Variants in CBLL1 observed in about 807,000 individuals in gnomAD.
CBLL1 encodes Cbl proto-oncogene like 1, also known as E3 ubiquitin-protein ligase Hakai.
CBLL1 carries 4 observed loss-of-function variants against 44.9 expected under a neutral mutation model. The ratio of observed to expected loss-of-function variants is 0.09; its 90% CI spans 0.04 to 0.20. CBLL1 has a LOEUF of 0.20. Among genes scored for constraint, CBLL1 ranks in the 10% least tolerant of loss-of-function variants. The pLI is 1.00. For missense variants in CBLL1, 569 were observed against 636.7 expected (o/e 0.89, Z 1.14); for synonymous variants, 235 against 202.2 (o/e 1.16, Z -1.38).
chr7:107,745,588 A>G lies in CBLL1; in HGVS notation c.13+1412A>G, dbSNP rs151334836. 1.6e-3 allele frequency among the ~76,000 whole-genome samples: 243 copies of G among 152,372 alleles called. 1 individual carries two copies. Among genetic ancestry groups the G allele is most frequent in the Non-Finnish European group, 3.2e-3 (220 of 68,036 alleles). Reference sequence around the variant, plus strand: ...GAGGAGGAACACAGTCTCTTAAAAAATACAATAGGCTGTTCTATGAAGAAT... The same window carrying G: ...GAGGAGGAACACAGTCTCTTAAAAAGTACAATAGGCTGTTCTATGAAGAAT... On this transcript the variant is annotated intron_variant, in intron 1 of 5. Coordinates refer to ENST00000440859, the MANE Select transcript of CBLL1 (RefSeq NM_024814.4).
intron 1 of CBLL1, among the ~76,000 whole-genome samples, chr7:107,745,495 G>A (rs1430864670): frequency 1.3e-5 from 2 of 152,214 alleles, no homozygotes; most frequent in East Asian, 3.8e-4. Flanking sequence ...CATCATTCAG[G>A]TCATTGAAAG....
intron 4 of CBLL1, 185 bp downstream of exon 4, chr7:107,754,163 C>T (rs1052337621): frequency 1.4e-5 from 5 of 355,622 alleles, no homozygotes; most frequent in African/African-American, 4.2e-5. Flanking sequence ...TTGTTGAATT[C>T]TTATAAAATA....
chr7:107,753,745 A>G (rs1056529667), intron 3 of CBLL1, 150 bp from the exon 4 acceptor site: 6 of 534,832 alleles, frequency 1.1e-5, no homozygotes, highest in African/African-American at 2.0e-5. Flanking sequence ...TGGTATCACA[A>G]CTAATGGTGG....
At chr7:107,754,745 T>G (rs1225380056) in intron 4 of CBLL1, among the ~76,000 whole-genome samples, 1 of 152,162 alleles carries the variant, frequency 6.6e-6, no homozygotes, top group Non-Finnish European at 1.5e-5. Flanking sequence ...AGGACATACT[T>G]GTTATTTTAC....
At chr7:107,745,506 C>A (rs996745549) in intron 1 of CBLL1, among the ~76,000 whole-genome samples, 1 of 152,128 alleles carries the variant, frequency 6.6e-6, no homozygotes, top group Admixed American at 6.5e-5. Flanking sequence ...TCATTGAAAG[C>A]CGTGGTAAAC....
intron 2 of CBLL1, 37 bp downstream of exon 2, chr7:107,749,084 G>T (rs372184071): frequency 2.5e-5 from 40 of 1,597,158 alleles, no homozygotes; most frequent in Non-Finnish European, 3.3e-5. Flanking sequence ...CACTCTTTCT[G>T]TTTTATCTGA....
At chr7:107,747,451 G>A (rs1793072231) in intron 1 of CBLL1, among the ~76,000 whole-genome samples, 1 of 152,148 alleles carries the variant, frequency 6.6e-6, no homozygotes, top group South Asian at 2.1e-4. Flanking sequence ...TACTTTTTGA[G>A]CAAGGAAAAA....
intron 5 of CBLL1, 121 bp downstream of exon 5, chr7:107,755,612 C>G (rs1236875654): frequency 2.1e-6 from 1 of 483,292 alleles, no homozygotes; most frequent in Non-Finnish European, 3.6e-6. Flanking sequence ...ACAGACATGG[C>G]TAATCTTTTT....
At chr7:107,756,920 A>G (rs1793552061) in intron 5 of CBLL1, among the ~76,000 whole-genome samples, 1 of 152,170 alleles carries the variant, frequency 6.6e-6, no homozygotes. Flanking sequence ...AACAGTATAT[A>G]TTACTGTTCT....
intron 1 of CBLL1, chr7:107,744,500 C>G: frequency 2.7e-6 from 1 of 367,304 alleles, no homozygotes; most frequent in South Asian, 8.5e-5. Context: ...GCTGCTCTGG[C>G]CTACGTTATG....
Position 107,755,421 on chromosome 7 carries a change from C to G in CBLL1, c.370C>G (p.Pro124Ala). The G allele has an allele frequency of 6.4e-7, 1 of 1,564,530 alleles. No homozygotes were observed. Among genetic ancestry groups the G allele is most frequent in the African/African-American group, 1.4e-5 (1 of 72,666 alleles). Residue 124 changes from proline (P) to alanine (A), a missense_variant, in exon 5 of 6, where the codon CCA becomes GCA. By Grantham distance (27) the Pro-to-Ala change is conservative. Around this residue, in one of 5 missense-constraint regions of CBLL1, gnomAD observed 209 missense variants for 202.8 expected, o/e 1.03. Transcript: ENST00000440859. Reference protein sequence around the residue: ...LPIKIYGRMIPCKHVFCYDCA... With the variant: ...LPIKIYGRMIACKHVFCYDCA... The stretch of plus-strand genomic sequence containing the variant: ...TGTAATATGTCTTTGTTTACAGATT[C>G]CATGCAAGCATGTTTTTTGCTATGA...
Position 107,758,463 on chromosome 7 carries a change from A to C in CBLL1, c.761A>C (p.Asn254Thr). The C allele has an allele frequency of 6.2e-7, 1 of 1,614,076 alleles. No homozygotes were observed. Among genetic ancestry groups the C allele is most frequent in the Non-Finnish European group, 8.5e-7 (1 of 1,180,010 alleles). ...CAACATGTGCCACATGAGCACTATA[A>C]TCAGCCACATGAGGATATTCGTGCT... Reference protein sequence around the residue: ...PLQHVPHEHYNQPHEDIRAPP... With the variant: ...PLQHVPHEHYTQPHEDIRAPP... Residue 254 changes from asparagine (N) to threonine (T), a missense_variant, in exon 6 of 6, where the codon AAT (asparagine) becomes ACT (threonine). This residue lies in a region of CBLL1 where 111 missense variants were observed against 113.0 expected (regional missense o/e 0.98). Transcript: ENST00000440859. The surrounding 1 kb of genome is among the most constrained non-coding windows in gnomAD (Gnocchi z 4.2).
In CBLL1 at chr7:107,759,649, A is replaced by G. The variant is rs1457717964; in HGVS notation, c.*471A>G. 1 of 153,548 alleles carries G rather than the reference A, an allele frequency of 6.5e-6. No homozygotes were observed. The highest frequency in any genetic ancestry group is 1.5e-5 in the Non-Finnish European group (1 of 68,630). The allele number at this position is 153,548 out of a possible 1,614,324, so 9.5% of individuals were successfully genotyped here. ...TTTTTAAACCATATGTTTTACCACT[A>G]ATTTCCCAAAGTTATAATAAAATCC... On this transcript the variant is annotated 3_prime_UTR_variant, in exon 6 of 6. Transcript: ENST00000440859.
rs963278002 is a variant in CBLL1, at chr7:107,754,048, G to A, written c.366+70G>A. 31 of 924,566 alleles carry A rather than the reference G, an allele frequency of 3.4e-5. No individual in the cohort carries two copies. In the Admixed American group the frequency reaches 7.1e-4, roughly 21 times the overall value. The allele number at this position is 924,566 out of a possible 1,614,324, so 57.3% of individuals were successfully genotyped here. A position where few individuals can be genotyped will look rare whatever the true frequency, so the allele number is the denominator to read the frequency against. On this transcript the variant is annotated intron_variant, in intron 4 of 5. Coordinates refer to ENST00000440859, the MANE Select transcript of CBLL1 (RefSeq NM_024814.4). ...GAGGTGGGGTTCTGAAATTTAGATA[G>A]GTTTATCATTGTTTAATGACTAAGT...
intron 1 of CBLL1, among the ~76,000 whole-genome samples, chr7:107,746,104 G>C (rs1241115456): frequency 6.6e-6 from 1 of 152,192 alleles, no homozygotes. Context: ...GGAATTTATA[G>C]AGTTGAAACT....
At chr7:107,749,419 T>C (rs1371694501) in intron 2 of CBLL1, 1 of 154,888 alleles carries the variant, frequency 6.5e-6, no homozygotes, top group East Asian at 1.9e-4. Context: ...GAGATTTTTT[T>C]CTTATCAGTA....
At chr7:107,757,619 C>G (rs2115709362) in intron 5 of CBLL1, among the ~76,000 whole-genome samples, 1 of 152,272 alleles carries the variant, frequency 6.6e-6, no homozygotes, top group Middle Eastern at 3.4e-3. Flanking sequence ...GTAGTCAAGG[C>G]TTGGATTGAA....
intron 2 of CBLL1, among the ~76,000 whole-genome samples, chr7:107,749,829 TA>T (rs1388965711): frequency 6.6e-6 from 1 of 152,112 alleles, no homozygotes; most frequent in African/African-American, 2.4e-5. Context: ...AAAGAGTGTA[TA>T]TTTTTTCATA....
At position 107,758,479 on chromosome 7, in the gene CBLL1, T is replaced by A; in HGVS notation, c.777T>A (p.Asp259Glu). 6.2e-7 allele frequency: 1 copy of A among 1,614,154 alleles called. No homozygotes were observed. Among genetic ancestry groups the A allele is most frequent in the Non-Finnish European group, 8.5e-7 (1 of 1,180,020 alleles). ...PHEHYNQPHE[D>E]IRAPPAELSM... ...AGCACTATAATCAGCCACATGAGGA[T>A]ATTCGTGCTCCTCCAGCAGAATTGT... The change falls in exon 6 of 6, where the codon GAT becomes GAA. Residue 259 changes from aspartate to glutamate, a missense_variant. Coordinates refer to ENST00000440859, the MANE Select transcript of CBLL1 (RefSeq NM_024814.4). This position sits in a 1 kb window ranked among gnomAD's most constrained non-coding sequence, Gnocchi z 4.2.
Sources: gnomAD v4.1 joint callset for allele counts (sites outside exome capture counted in the v4.1 genomes callset) on GRCh38, gnomAD v4.1.1 for gene constraint, gnomAD v4.1.1 regional missense constraint, Gnocchi (gnomAD v3.1) non-coding constraint, MANE v1.5 for transcripts, NCBI Gene and HGNC (gene_info 2026-07-23, HGNC 2026-07-21) for gene names.